KSR2: variants seen among roughly 807,000 people sequenced by gnomAD.
The protein encoded by KSR2 is kinase suppressor of ras 2.
In KSR2, 25 loss-of-function variants were observed where a neutral mutation model predicts 107.8. The observed-to-expected ratio is 0.23, with a 90% confidence interval of 0.17 to 0.32. The LOEUF is 0.32. KSR2 is among the 10% of genes least tolerant of loss of function. The pLI, the probability that KSR2 is intolerant of heterozygous loss-of-function variation, is 1.00. For synonymous variants in KSR2, 480 were observed against 507.0 expected, an observed-to-expected ratio of 0.95 and a Z score of 0.71; for missense variants, 887 against 1,268.9, an observed-to-expected ratio of 0.70 and a Z score of 4.57.
intron 3 of KSR2, among the ~76,000 whole-genome samples, chr12:117,783,939 C>A (rs959494665): frequency 6.6e-6 from 1 of 152,096 alleles, no homozygotes; most frequent in Non-Finnish European, 1.5e-5. Flanking sequence ...GGCACCAAAG[C>A]CCCCAAAAGA....
intron 7 of KSR2, among the ~76,000 whole-genome samples, chr12:117,577,494 G>A (rs1005035158): frequency 1.3e-5 from 2 of 152,112 alleles, no homozygotes; most frequent in Non-Finnish European, 2.9e-5. Flanking sequence ...CCCAAGGCAG[G>A]CAAGATTATT....
At chr12:117,726,938 T>C (rs888119713) in intron 4 of KSR2, among the ~76,000 whole-genome samples, 3 of 152,286 alleles carry the variant, frequency 2.0e-5, no homozygotes, top group Middle Eastern at 3.4e-3. Context: ...TGGGTTGAAA[T>C]GCAGCCCCAA....
At chr12:117,881,094 G>A (rs556504995) in intron 1 of KSR2, among the ~76,000 whole-genome samples, 3 of 151,832 alleles carry the variant, frequency 2.0e-5, no homozygotes, top group East Asian at 3.9e-4. Flanking sequence ...CCTTGTTTTT[G>A]TCATCTTTGC....
intron 1 of KSR2, among the ~76,000 whole-genome samples, chr12:117,869,875 C>T (rs1202393066): frequency 2.0e-5 from 3 of 152,214 alleles, no homozygotes; most frequent in East Asian, 3.8e-4. Flanking sequence ...TGCCTGGCAT[C>T]GCAAGCCAAG....
chr12:117,689,800 G>A (rs1885740676), intron 4 of KSR2, among the ~76,000 whole-genome samples: 1 of 151,994 alleles, frequency 6.6e-6, no homozygotes, highest in Non-Finnish European at 1.5e-5. Flanking sequence ...GTTGATATGA[G>A]GTAGTTATGG....
At chr12:117,712,591 G>A (rs550612355) in intron 4 of KSR2, among the ~76,000 whole-genome samples, 49 of 152,310 alleles carry the variant, frequency 3.2e-4, no homozygotes, top group African/African-American at 1.1e-3. Flanking sequence ...GAGTGCTTAC[G>A]AGGAGTAAAT....
At chr12:117,757,881 T>C (rs748144578) in intron 4 of KSR2, among the ~76,000 whole-genome samples, 2 of 152,236 alleles carry the variant, frequency 1.3e-5, no homozygotes, top group Non-Finnish European at 2.9e-5. Context: ...GGGATCTTTA[T>C]CGTGGTGGTC....
intron 5 of KSR2, among the ~76,000 whole-genome samples, chr12:117,610,798 G>A (rs975908063): frequency 3.3e-5 from 5 of 150,162 alleles, no homozygotes; most frequent in South Asian, 4.3e-4. Context: ...GCAGTATTCC[G>A]AATACATGTA....
intron 4 of KSR2, among the ~76,000 whole-genome samples, chr12:117,760,047 T>A (rs1458642466): frequency 6.6e-6 from 1 of 152,188 alleles, no homozygotes; most frequent in Non-Finnish European, 1.5e-5. Flanking sequence ...AGGCAGAGGT[T>A]GCAGTGAGCT....
chr12:117,833,510 A>T (rs1293159513), intron 3 of KSR2, among the ~76,000 whole-genome samples: 3 of 152,112 alleles, frequency 2.0e-5, no homozygotes, highest in Non-Finnish European at 4.4e-5. Flanking sequence ...CTACAGGCAC[A>T]CACGACCAAG....
At chr12:117,679,901 AT>A (rs1451747733) in intron 4 of KSR2, among the ~76,000 whole-genome samples, 2 of 152,144 alleles carry the variant, frequency 1.3e-5, no homozygotes, top group African/African-American at 4.8e-5. Context: ...ATGCCTACTC[AT>A]TTATATACAT....
intron 1 of KSR2, among the ~76,000 whole-genome samples, chr12:117,952,620 G>A (rs1896396584): frequency 6.6e-6 from 1 of 152,056 alleles, no homozygotes; most frequent in Non-Finnish European, 1.5e-5. Context: ...AGGCTACAGT[G>A]AGGTGAGATT....
At chr12:117,614,268 C>A (rs1881757157) in intron 5 of KSR2, among the ~76,000 whole-genome samples, 1 of 152,100 alleles carries the variant, frequency 6.6e-6, no homozygotes, top group African/African-American at 2.4e-5. Context: ...TGGACATATT[C>A]TGGTGGCAGA....
intron 1 of KSR2, among the ~76,000 whole-genome samples, chr12:117,872,008 T>C (rs1278851859): frequency 2.0e-5 from 3 of 152,190 alleles, no homozygotes; most frequent in Non-Finnish European, 4.4e-5. Context: ...ACAAATCACT[T>C]GAAAATCAGA....
At chr12:117,628,465 C>T (rs1882637793) in intron 5 of KSR2, among the ~76,000 whole-genome samples, 2 of 152,178 alleles carry the variant, frequency 1.3e-5, no homozygotes, top group African/African-American at 4.8e-5. Context: ...CCCTCAGCTG[C>T]AGGTCTGTTG....
chr12:117,560,766 T>C (rs1878055866), intron 7 of KSR2, among the ~76,000 whole-genome samples: 1 of 152,144 alleles, frequency 6.6e-6, no homozygotes, highest in South Asian at 2.1e-4. Flanking sequence ...TTCCTTACGG[T>C]AATCAGTAAG....
At chr12:117,862,735 T>TCC (rs1566056304) in intron 1 of KSR2, among the ~76,000 whole-genome samples, 1 of 149,606 alleles carries the variant, frequency 6.7e-6, no homozygotes, top group African/African-American at 2.5e-5. Flanking sequence ...CCCCTTTTTT[T>TCC]TTTTTTTTTT....
chr12:117,667,228 G>A (rs1038517925), intron 5 of KSR2, among the ~76,000 whole-genome samples: 5 of 152,002 alleles, frequency 3.3e-5, no homozygotes, highest in Non-Finnish European at 7.4e-5. Context: ...GGGGACCAAC[G>A]ACAACACCCA....
rs553196733 is a variant in KSR2 at position 117,705,814 on chromosome 12, G to A, written c.987-38156C>T. ...TTGGGAATTCTTGCTGGGAAATCTG[G>A]GCAGCTGGAGAGGTGGATAGGACTC... On this transcript the variant is annotated intron_variant, in intron 4 of 19. Coordinates refer to ENST00000339824, the MANE Select transcript of KSR2 (RefSeq NM_173598.6). Among the ~76,000 whole-genome samples, 5 of 152,240 alleles carry A rather than the reference G, an allele frequency of 3.3e-5. No homozygotes were observed. In the South Asian group the frequency reaches 8.3e-4, roughly 25 times the overall value.
Sources: gnomAD v4.1 joint callset for allele counts (sites outside exome capture counted in the v4.1 genomes callset) on GRCh38, gnomAD v4.1.1 for gene constraint, MANE v1.5 for transcripts, NCBI Gene and HGNC (gene_info 2026-07-23, HGNC 2026-07-21) for gene names.